The following TEK variants were observed in gnomAD, a reference collection of about 807,000 sequenced individuals.
TEK encodes the protein angiopoietin-1 receptor.
TEK carries 43 observed loss-of-function variants against 131.8 expected under a neutral mutation model. The observed-to-expected ratio is 0.33, with a 90% CI of 0.26 to 0.42. The LOEUF (loss-of-function observed/expected upper bound fraction) is 0.42, where lower values mean the gene tolerates loss of function less well. Among genes scored for constraint, TEK ranks in the 10% least tolerant of loss-of-function variants. TEK has a pLI of 1.00. For missense variants in TEK, 1,162 were observed against 1,384.4 expected, an observed-to-expected ratio of 0.84 and a Z score of 2.55; for synonymous variants, 580 against 491.6, an observed-to-expected ratio of 1.18 and a Z score of -2.38.
At position 27,218,729 on chromosome 9, in the gene TEK, G is replaced by A. The variant is rs371126236; in HGVS notation, c.3063-48G>A. 28 of 1,609,418 alleles carry A rather than the reference G, an allele frequency of 1.7e-5. 2 individuals are homozygous for A. The African/African-American group carries it at 2.8e-4, about 16-fold the overall frequency. ...TGGCTTTTGGGGCCGGAAAATGAGC[G>A]GTGACTCTGTTTGCTGATTGTTGGT... On this transcript the variant is annotated intron_variant, in intron 19 of 22. Coordinates refer to ENST00000380036, the MANE Select transcript of TEK (RefSeq NM_000459.5).
chr9:27,170,613 A>AACAAAG (rs1348752297), intron 4 of TEK, among the ~76,000 whole-genome samples: 2 of 151,728 alleles, frequency 1.3e-5, no homozygotes, highest in Non-Finnish European at 2.9e-5. Context: ...CAAAAACAAA[A>AACAAAG]ACAAAAACTA....
intron 1 of TEK, among the ~76,000 whole-genome samples, chr9:27,125,205 C>A (rs934259417): frequency 1.3e-5 from 2 of 152,238 alleles, no homozygotes; most frequent in Non-Finnish European, 2.9e-5. Context: ...GAAGCTCAGC[C>A]ACATTCAGAA....
chr9:27,199,981 G>A (rs993836358), intron 12 of TEK, among the ~76,000 whole-genome samples: 1 of 152,124 alleles, frequency 6.6e-6, no homozygotes. Context: ...TAGTTCTAGT[G>A]TTGTTTTGTG....
chr9:27,144,718 G>T (rs1320681178), intron 1 of TEK, among the ~76,000 whole-genome samples: 1 of 152,126 alleles, frequency 6.6e-6, no homozygotes, highest in Non-Finnish European at 1.5e-5. Context: ...TTCCAAAATT[G>T]TAGTAAAGCA....
intron 1 of TEK, among the ~76,000 whole-genome samples, chr9:27,156,537 G>C (rs1012711288): frequency 6.6e-6 from 1 of 151,954 alleles, no homozygotes; most frequent in African/African-American, 2.4e-5. Context: ...AAACATTCCA[G>C]GCAGAAGGAA....
chr9:27,169,694 C>T, intron 4 of TEK, 65 bp downstream of exon 4: 1 of 1,606,644 alleles, frequency 6.2e-7, no homozygotes, highest in Non-Finnish European at 8.5e-7. Context: ...TTTTTAGTTG[C>T]AAATAACAGA....
intron 16 of TEK, chr9:27,210,310 A>T (rs1045747212): frequency 2.6e-5 from 4 of 153,700 alleles, no homozygotes; most frequent in African/African-American, 7.2e-5. Context: ...GTCCTTGCTG[A>T]TAGCACTCCC....
At chr9:27,202,730 A>G (rs1321865000) in intron 12 of TEK, 90 bp from the exon 13 acceptor site, 38 of 1,401,762 alleles carry the variant, frequency 2.7e-5, no homozygotes, top group Non-Finnish European at 1.0e-6. Context: ...TTTGCCTTAT[A>G]TGAGCTGACA....
At chr9:27,180,632 GCT>G (rs1824331208) in intron 7 of TEK, among the ~76,000 whole-genome samples, 1 of 152,174 alleles carries the variant, frequency 6.6e-6, no homozygotes. Flanking sequence ...CCAGCTGAGA[GCT>G]CTCCTACCTT....
chr9:27,167,434 G>C (rs1466657021), intron 2 of TEK, among the ~76,000 whole-genome samples: 1 of 152,002 alleles, frequency 6.6e-6, no homozygotes, highest in East Asian at 1.9e-4. Flanking sequence ...TGCCATGTTG[G>C]CCAGGCTCGT....
intron 6 of TEK, among the ~76,000 whole-genome samples, chr9:27,177,478 C>T (rs761882331): frequency 5.3e-5 from 8 of 152,176 alleles, no homozygotes; most frequent in Admixed American, 2.0e-4. Context: ...CGGCTGGGCA[C>T]GATGGCTCAT....
At chr9:27,159,260 T>C (rs1823456411) in intron 2 of TEK, among the ~76,000 whole-genome samples, 1 of 152,208 alleles carries the variant, frequency 6.6e-6, no homozygotes, top group South Asian at 2.1e-4. Context: ...TTCTATTTTT[T>C]TGTACCACTG....
intron 1 of TEK, among the ~76,000 whole-genome samples, chr9:27,121,134 C>A (rs1297312949): frequency 6.6e-6 from 1 of 151,940 alleles, no homozygotes; most frequent in Non-Finnish European, 1.5e-5. Flanking sequence ...CCAGCCTGAC[C>A]AACATGGCGA....
In TEK at chr9:27,171,361, T is replaced by C. The variant is rs1823948576; in HGVS notation, c.629-1255T>C. ...GCTTTGCGTTATGTTCCCCCATTCA[T>C]TTACCAAAATGTGTTGGTCATAACT... On this transcript the variant is annotated intron_variant, in intron 4 of 22. Coordinates refer to ENST00000380036, the MANE Select transcript of TEK (RefSeq NM_000459.5). 2.0e-5 allele frequency among the ~76,000 whole-genome samples: 3 copies of C among 152,190 alleles called. No homozygotes were observed. In the South Asian group the frequency reaches 6.2e-4, roughly 32 times the overall value.
chr9:27,208,231 C>G (rs1021693017), intron 15 of TEK, among the ~76,000 whole-genome samples: 3 of 152,178 alleles, frequency 2.0e-5, no homozygotes, highest in Non-Finnish European at 2.9e-5. Context: ...ATGAACAGAG[C>G]ACTTGACTTA....
intron 21 of TEK, among the ~76,000 whole-genome samples, chr9:27,225,746 T>C (rs1486307613): frequency 1.3e-5 from 2 of 152,146 alleles, no homozygotes; most frequent in Admixed American, 6.5e-5. Context: ...TGGGATCTAA[T>C]TAAACTAAAG....
chr9:27,227,649 C>T (rs374120503), intron 21 of TEK, among the ~76,000 whole-genome samples: 9 of 152,202 alleles, frequency 5.9e-5, no homozygotes, highest in East Asian at 1.9e-4. Context: ...TGTAAGAGCA[C>T]GAATCCCATT....
Position 27,229,140 on chromosome 9 carries a change from C to A in TEK, c.3301-18C>A. ...AATCAAAGCAGCCTATGTCTCTGAA[C>A]CATTTTCATTCTTCCAGACCTACGT... On this transcript the variant is annotated intron_variant, in intron 22 of 22. Coordinates refer to ENST00000380036, the MANE Select transcript of TEK (RefSeq NM_000459.5). The A allele has an allele frequency of 6.2e-7, 1 of 1,612,788 alleles. No individual in the cohort carries two copies. Among genetic ancestry groups the A allele is most frequent in the Non-Finnish European group, 8.5e-7 (1 of 1,178,846 alleles).
At chr9:27,153,274 C>T (rs1823198963) in intron 1 of TEK, among the ~76,000 whole-genome samples, 1 of 150,944 alleles carries the variant, frequency 6.6e-6, no homozygotes, top group Non-Finnish European at 1.5e-5. Flanking sequence ...TGGTGAAACC[C>T]CGCCTCTACT....
Sources: allele counts gnomAD v4.1 joint callset (sites outside exome capture counted in the v4.1 genomes callset), GRCh38; gene constraint gnomAD v4.1.1; transcripts MANE v1.5; gene names NCBI Gene and HGNC (gene_info 2026-07-23, HGNC 2026-07-21).